Variants in WWTR1 observed in about 807,000 individuals in gnomAD.
WWTR1 encodes WW domain containing transcription regulator 1.
In WWTR1, 13 loss-of-function variants were observed where a neutral mutation model predicts 40.1. That is an observed-to-expected ratio of 0.32 (90% CI 0.21 to 0.52). The LOEUF (loss-of-function observed/expected upper bound fraction) is 0.52. WWTR1 is among the 20% of genes least tolerant of loss of function. The probability of loss-of-function intolerance (pLI) is 0.97; values close to 1 mark genes in which losing one functional copy is unlikely to be tolerated. For synonymous variants in WWTR1, 230 were observed against 210.1 expected (o/e 1.09, Z -0.82); for missense variants, 436 against 523.1 (o/e 0.83, Z 1.63).
intron 4 of WWTR1, among the ~76,000 whole-genome samples, chr3:149,538,449 T>C (rs953257605): frequency 2.0e-5 from 3 of 152,168 alleles, no homozygotes; most frequent in Admixed American, 6.5e-5. Flanking sequence ...ACTCTTTATG[T>C]CTTCCATGTT....
At chr3:149,631,717 A>C (rs547246381) in intron 2 of WWTR1, among the ~76,000 whole-genome samples, 1 of 152,130 alleles carries the variant, frequency 6.6e-6, no homozygotes, top group Non-Finnish European at 1.5e-5. Context: ...AAATGACCTG[A>C]TGGGGTAGTG....
At chr3:149,531,354 A>G (rs879763279) in intron 4 of WWTR1, among the ~76,000 whole-genome samples, 2 of 152,226 alleles carry the variant, frequency 1.3e-5, no homozygotes, top group Admixed American at 1.3e-4. Flanking sequence ...TATTCCACAT[A>G]GCAGCCAAAG....
Position 149,682,750 on chromosome 3 carries a change from C to A in WWTR1, c.-107-12859G>T, listed in dbSNP as rs1714500935. Among the ~76,000 whole-genome samples, 3 of 152,152 alleles carry A rather than the reference C, an allele frequency of 2.0e-5. 1 individual carries two copies. The highest frequency in any genetic ancestry group is 1.3e-4 in the Admixed American group (2 of 15,268). ...ATCTGCCTCCTTACTTAGTCCTTAT[C>A]CTTCAAGCTATTGTATTAAACTGCA... is the stretch of plus-strand genomic sequence containing the variant. On this transcript the variant is annotated intron_variant, in intron 1 of 7. Transcript: ENST00000465804.
chr3:149,542,717 A>G (rs1295715692), intron 3 of WWTR1, among the ~76,000 whole-genome samples, 180 bp from the exon 4 acceptor site: 2 of 152,204 alleles, frequency 1.3e-5, no homozygotes, highest in Non-Finnish European at 2.9e-5. Flanking sequence ...GGAGGCTCGA[A>G]TACTGGCCCC....
At chr3:149,605,830 C>T (rs1739456137) in intron 2 of WWTR1, among the ~76,000 whole-genome samples, 1 of 152,066 alleles carries the variant, frequency 6.6e-6, no homozygotes, top group Admixed American at 6.5e-5. Flanking sequence ...ATATCCTGTC[C>T]AATACCACTG....
intron 2 of WWTR1, among the ~76,000 whole-genome samples, chr3:149,579,446 T>C (rs925219976): frequency 6.6e-6 from 1 of 152,196 alleles, no homozygotes; most frequent in Non-Finnish European, 1.5e-5. Flanking sequence ...GAAATTCCTC[T>C]GTAGCCTCTG....
intron 4 of WWTR1, among the ~76,000 whole-genome samples, chr3:149,541,299 A>T (rs2107935241): frequency 1.3e-5 from 2 of 152,354 alleles, no homozygotes; most frequent in South Asian, 4.1e-4. Context: ...CAGGGAGAGC[A>T]CTGTGGGTTC....
chr3:149,706,885 A>G (rs1043088332), upstream of WWTR1, among the ~76,000 whole-genome samples: 1 of 152,162 alleles, frequency 6.6e-6, no homozygotes, highest in Non-Finnish European at 1.5e-5. Context: ...ACTACCACTC[A>G]ATTGCTCCGT....
At chr3:149,547,632 G>T (rs538553465) in intron 3 of WWTR1, among the ~76,000 whole-genome samples, 1 of 152,094 alleles carries the variant, frequency 6.6e-6, no homozygotes, top group Admixed American at 6.5e-5. Context: ...TAAAGACCTC[G>T]TCAGCTCTAG....
intron 3 of WWTR1, among the ~76,000 whole-genome samples, chr3:149,570,604 A>G (rs1217110745): frequency 6.6e-6 from 1 of 150,790 alleles, no homozygotes; most frequent in African/African-American, 2.4e-5. Context: ...AATAATAATA[A>G]CAAAAATTAA....
At chr3:149,655,030 G>T (rs1343195069) in intron 2 of WWTR1, among the ~76,000 whole-genome samples, 2 of 152,100 alleles carry the variant, frequency 1.3e-5, no homozygotes, top group Non-Finnish European at 2.9e-5. Context: ...GGAGGCTGAG[G>T]CAGGAGAATG....
chr3:149,609,537 A>G (rs1739638524), intron 2 of WWTR1, among the ~76,000 whole-genome samples: 2 of 152,268 alleles, frequency 1.3e-5, no homozygotes, highest in South Asian at 4.1e-4. Context: ...GTCCATAAAT[A>G]CAGTTGTATT....
intron 4 of WWTR1, among the ~76,000 whole-genome samples, chr3:149,530,263 C>T (rs1735503406): frequency 1.3e-5 from 2 of 152,056 alleles, no homozygotes; most frequent in Admixed American, 6.6e-5. Context: ...AGGAAAATCA[C>T]TTGAATTTGG....
At chr3:149,529,056 A>T (rs1246207520) in intron 4 of WWTR1, among the ~76,000 whole-genome samples, 1 of 152,220 alleles carries the variant, frequency 6.6e-6, no homozygotes, top group Non-Finnish European at 1.5e-5. Context: ...ATAACCAGAC[A>T]TCAAATTCCT....
chr3:149,644,762 A>G (rs1389199680), intron 2 of WWTR1, among the ~76,000 whole-genome samples: 2 of 152,248 alleles, frequency 1.3e-5, no homozygotes, highest in Non-Finnish European at 2.9e-5. Context: ...TGGGAACAGT[A>G]GTTACTTCTG....
At chr3:149,689,117 C>T (rs1213599394) in intron 1 of WWTR1, among the ~76,000 whole-genome samples, 1 of 152,092 alleles carries the variant, frequency 6.6e-6, no homozygotes, top group Admixed American at 6.6e-5. Context: ...AGTGGTGGCT[C>T]ATGCCTATAA....
intron 2 of WWTR1, among the ~76,000 whole-genome samples, chr3:149,622,509 G>GAAAGAAAT: frequency 2.9e-5 from 4 of 139,310 alleles, no homozygotes; most frequent in Admixed American, 2.8e-4. Context: ...AAGGAAGAAA[G>GAAAGAAAT]AAAGAAAGAA....
chr3:149,600,617 C>G (rs1739199590), intron 2 of WWTR1, among the ~76,000 whole-genome samples: 1 of 152,204 alleles, frequency 6.6e-6, no homozygotes, highest in South Asian at 2.1e-4. Flanking sequence ...GGAAATAAAG[C>G]ACCTTCCTCA....
chr3:149,688,599 C>T (rs1714724520), intron 1 of WWTR1, among the ~76,000 whole-genome samples: 1 of 152,180 alleles, frequency 6.6e-6, no homozygotes, highest in Admixed American at 6.5e-5. Context: ...GCATATATGG[C>T]TTCAGTGACC....
Sources: gnomAD v4.1 joint callset for allele counts (sites outside exome capture counted in the v4.1 genomes callset) on GRCh38, gnomAD v4.1.1 for gene constraint, MANE v1.5 for transcripts, NCBI Gene and HGNC (gene_info 2026-07-23, HGNC 2026-07-21) for gene names.